RIN3: variants seen among roughly 807,000 people sequenced by gnomAD.
RIN3 encodes Ras and Rab interactor 3.
A neutral mutation model predicts 76.3 loss-of-function variants in RIN3; 54 were observed. The ratio of observed to expected loss-of-function variants is 0.71; its 90% CI spans 0.57 to 0.89. RIN3 has a LOEUF of 0.89. Ranked by LOEUF, RIN3 falls within the 40% of genes least tolerant of loss-of-function variation. The pLI, the probability that RIN3 is intolerant of heterozygous loss-of-function variation, is 0.00. For synonymous variants in RIN3, 576 were observed against 564.0 expected (o/e 1.02, Z -0.30); for missense variants, 1,256 against 1,322.1 (o/e 0.95, Z 0.78).
chr14:92,598,686 G>A (rs1340587655), intron 3 of RIN3, among the ~76,000 whole-genome samples: 1 of 152,178 alleles, frequency 6.6e-6, no homozygotes, highest in South Asian at 2.1e-4. Context: ...CTGCTCTTGA[G>A]TTGAAAACAT....
intron 3 of RIN3, among the ~76,000 whole-genome samples, chr14:92,591,215 T>G (rs1884965827): frequency 6.6e-6 from 1 of 152,126 alleles, no homozygotes; most frequent in Non-Finnish European, 1.5e-5. Context: ...ATAGGCTTCT[T>G]AATAGACTGT....
In RIN3 at chr14:92,659,404, A is replaced by G; in HGVS notation, c.2270A>G (p.Lys757Arg). The change falls in exon 7 of 10, where the codon AAG (lysine) becomes AGG (arginine). Residue 757 changes from lysine to arginine, a missense_variant. Lys to Arg is a conservative substitution (Grantham distance 26). This residue lies in a region of RIN3 where 428 missense variants were observed against 521.2 expected (regional missense o/e 0.82). Transcript: ENST00000216487. Reference sequence around the variant, plus strand: ...ATGCACAAGGCCTACTCACCTGAGAAGAAGATCTCCATCCTGCTCAAGACC... The same window carrying G: ...ATGCACAAGGCCTACTCACCTGAGAGGAAGATCTCCATCCTGCTCAAGACC... ...TSMHKAYSPEKKISILLKTCK... is the reference protein window; with the variant it reads ...TSMHKAYSPERKISILLKTCK... 6.2e-7 allele frequency: 1 copy of G among 1,613,648 alleles called. No homozygotes were observed. The highest frequency in any genetic ancestry group is 1.7e-5 in the Admixed American group (1 of 59,968).
chr14:92,652,323 C>T lies in RIN3; in HGVS notation c.1274C>T (p.Thr425Met), dbSNP rs3742717. 0.2 allele frequency: 319,807 copies of T among 1,603,976 alleles called. 36,207 individuals are homozygous for T. The highest frequency in any genetic ancestry group is 0.44 in the East Asian group (19,782 of 44,646). ...GGGACCTCAGACGGCCCTGAGGACA[C>T]GCCCCGGGAGAGCACGGAGCAAGGC... ...PQGTSDGPED[T>M]PRESTEQGQD... The change falls in exon 6 of 10, where the codon ACG (threonine) becomes ATG (methionine). Residue 425 changes from threonine (T) to methionine (M), a missense_variant. Transcript: ENST00000216487. The surrounding 1 kb of genome is among the most constrained non-coding windows in gnomAD (Gnocchi z 6.4).
At chr14:92,585,774 G>A (rs777459319) in intron 3 of RIN3, among the ~76,000 whole-genome samples, 3 of 152,130 alleles carry the variant, frequency 2.0e-5, no homozygotes, top group Non-Finnish European at 2.9e-5. Context: ...ACACGCCGCT[G>A]TGCCTGGCTA....
chr14:92,646,911 G>A (rs1887222110), intron 5 of RIN3, among the ~76,000 whole-genome samples: 2 of 152,192 alleles, frequency 1.3e-5, no homozygotes, highest in Admixed American at 6.5e-5. Context: ...GATTTTGTGC[G>A]AATATATTTG....
intron 4 of RIN3, among the ~76,000 whole-genome samples, chr14:92,616,670 A>G (rs759467743): frequency 1.3e-5 from 2 of 151,170 alleles, no homozygotes; most frequent in Non-Finnish European, 3.0e-5. Flanking sequence ...CCTGCTCTGT[A>G]TAGTGGAGGC....
At chr14:92,616,777 A>G (rs994936684) in intron 4 of RIN3, among the ~76,000 whole-genome samples, 4 of 152,286 alleles carry the variant, frequency 2.6e-5, no homozygotes, top group African/African-American at 9.6e-5. Flanking sequence ...TCTATGCGAG[A>G]GGAAATGAAA....
chr14:92,569,424 C>T (rs1898001812), intron 2 of RIN3, among the ~76,000 whole-genome samples: 1 of 152,100 alleles, frequency 6.6e-6, no homozygotes, highest in Non-Finnish European at 1.5e-5. Context: ...TGTTGCCACC[C>T]CCATTTATGG....
chr14:92,620,228 G>A (rs989262779), intron 4 of RIN3, among the ~76,000 whole-genome samples: 3 of 152,196 alleles, frequency 2.0e-5, no homozygotes, highest in African/African-American at 7.2e-5. Flanking sequence ...CCCTTTTGCT[G>A]GCATGCCAGG....
intron 1 of RIN3, among the ~76,000 whole-genome samples, chr14:92,549,105 A>T (rs1293636984): frequency 6.6e-6 from 1 of 152,158 alleles, no homozygotes; most frequent in Non-Finnish European, 1.5e-5. Context: ...CCAGAGCCAC[A>T]CTGGCTTCTA....
At chr14:92,570,008 T>C (rs758023639) in intron 2 of RIN3, among the ~76,000 whole-genome samples, 13 of 152,224 alleles carry the variant, frequency 8.5e-5, no homozygotes, top group Non-Finnish European at 1.6e-4. Context: ...TGAAAAACAC[T>C]GCCCTTCCTT....
At chr14:92,585,674 G>A (rs897395706) in intron 3 of RIN3, among the ~76,000 whole-genome samples, 2 of 152,014 alleles carry the variant, frequency 1.3e-5, no homozygotes, top group Non-Finnish European at 2.9e-5. Flanking sequence ...ACTCTATCAG[G>A]CTCTGGAGTG....
chr14:92,610,423 G>A (rs947201820), intron 3 of RIN3, among the ~76,000 whole-genome samples: 1 of 151,894 alleles, frequency 6.6e-6, no homozygotes, highest in African/African-American at 2.4e-5. Flanking sequence ...GGCCCCTTTC[G>A]CCCAACTGTT....
intron 1 of RIN3, among the ~76,000 whole-genome samples, chr14:92,530,491 G>C (rs1276183144): frequency 6.6e-6 from 1 of 152,176 alleles, no homozygotes; most frequent in Admixed American, 6.5e-5. Flanking sequence ...ATTTACTCAG[G>C]GTCGAGTTTT....
At chr14:92,579,232 GCCATA>G (rs1898360490) in intron 3 of RIN3, among the ~76,000 whole-genome samples, 1 of 152,220 alleles carries the variant, frequency 6.6e-6, no homozygotes, top group African/African-American at 2.4e-5. Context: ...CCGGCCCTGA[GCCATA>G]ATTTCTAATC....
At chr14:92,591,255 G>C (rs1884967816) in intron 3 of RIN3, among the ~76,000 whole-genome samples, 1 of 152,136 alleles carries the variant, frequency 6.6e-6, no homozygotes, top group Non-Finnish European at 1.5e-5. Flanking sequence ...CTCTGAGCAT[G>C]ATAATATCTT....
At chr14:92,682,374 G>A (rs192710137) in intron 8 of RIN3, among the ~76,000 whole-genome samples, 13 of 152,286 alleles carry the variant, frequency 8.5e-5, no homozygotes, top group Admixed American at 7.9e-4. Context: ...TGGGCTGCAC[G>A]TAACTCACAA....
intron 5 of RIN3, chr14:92,644,528 G>A (rs995622166): frequency 6.6e-6 from 1 of 152,264 alleles, no homozygotes; most frequent in Non-Finnish European, 1.5e-5. Context: ...GAGAAGGGAG[G>A]TTTCCATTTG....
In RIN3 at chr14:92,648,283, G is replaced by A. The variant is rs558882189; in HGVS notation, c.533-3299G>A. The stretch of plus-strand genomic sequence containing the variant: ...AGGCCTGTCTTGGGGCAGGGAAGCT[G>A]TGTCCCAGGTACCCAGGCCGAGAGC... On this transcript the variant is annotated intron_variant, in intron 5 of 9. Coordinates refer to ENST00000216487, the MANE Select transcript of RIN3 (RefSeq NM_024832.5). This position sits in a 1 kb window ranked among gnomAD's most constrained non-coding sequence, Gnocchi z 4.1. Among the ~76,000 whole-genome samples the A allele has an allele frequency of 5.9e-5, 9 of 152,290 alleles. No homozygotes were observed. The South Asian group carries it at 1.5e-3, about 25-fold the overall frequency.
Sources: allele counts gnomAD v4.1 joint callset (sites outside exome capture counted in the v4.1 genomes callset), GRCh38; gene constraint gnomAD v4.1.1; regional missense constraint gnomAD v4.1.1; non-coding constraint Gnocchi (gnomAD v3.1); transcripts MANE v1.5; gene names NCBI Gene and HGNC (gene_info 2026-07-23, HGNC 2026-07-21).